Variants in AMZ2 observed in about 807,000 individuals in gnomAD.
The protein encoded by AMZ2 is archaelysin family metallopeptidase 2.
A neutral mutation model predicts 36.7 loss-of-function variants in AMZ2; 26 were observed. The observed-to-expected ratio is 0.71, with a 90% CI of 0.52 to 0.98. AMZ2 has a LOEUF of 0.98. Among genes scored for constraint, AMZ2 ranks in the 50% least tolerant of loss-of-function variants. The pLI, the probability that AMZ2 is intolerant of heterozygous loss-of-function variation, is 0.00. For missense variants in AMZ2, 394 were observed against 430.5 expected, an observed-to-expected ratio of 0.92 and a Z score of 0.75; for synonymous variants, 144 against 149.1, an observed-to-expected ratio of 0.97 and a Z score of 0.25.
chr17:68,229,175 G>A (rs542582338), intron 1 of AMZ2, among the ~76,000 whole-genome samples: 1 of 152,344 alleles, frequency 6.6e-6, no homozygotes, highest in African/African-American at 2.4e-5. Context: ...CTGGAAGGTA[G>A]GGGACGTCAC....
At chr17:68,220,711 C>G (rs1457532949) in intron 1 of AMZ2, among the ~76,000 whole-genome samples, 3 of 151,974 alleles carry the variant, frequency 2.0e-5, no homozygotes, top group Non-Finnish European at 4.4e-5. Context: ...ATAAAATGCT[C>G]CAACCCTTCA....
At chr17:68,206,995 G>C (rs1393281879) in intron 1 of AMZ2, 1 of 152,270 alleles carries the variant, frequency 6.6e-6, no homozygotes, top group Non-Finnish European at 1.5e-5. Flanking sequence ...AAAAATGAAA[G>C]TACAAAACCG....
chr17:68,224,985 C>T (rs113285997), intron 1 of AMZ2, among the ~76,000 whole-genome samples: 163 of 148,924 alleles, frequency 1.1e-3, no homozygotes, highest in African/African-American at 3.8e-3. Flanking sequence ...CGAGACCAGC[C>T]TGGCTACCAT....
upstream of AMZ2, among the ~76,000 whole-genome samples, chr17:68,245,411 TTC>T (rs1555735024): frequency 2.0e-5 from 3 of 151,490 alleles, no homozygotes; most frequent in Non-Finnish European, 4.4e-5. Flanking sequence ...CTTTTTTTTT[TTC>T]TTTTTTCTTT....
At position 68,250,411 on chromosome 17, in the gene AMZ2, G is replaced by A; in HGVS notation, c.224G>A (p.Ser75Asn). ...CCCCAAGACTTTGAACAGTTCTTCAGTGATCCTTACAGAAAGACACCCTCT... is the reference window on the plus strand; with the variant it reads ...CCCCAAGACTTTGAACAGTTCTTCAATGATCCTTACAGAAAGACACCCTCT... The part of the protein sequence containing the change: ...EAPQDFEQFF[S>N]DPYRKTPSPN... The change falls in exon 2 of 7, where the codon AGT becomes AAT. Residue 75 changes from serine (S) to asparagine (N), a missense_variant. Coordinates refer to ENST00000359904, the MANE Select transcript of AMZ2 (RefSeq NM_016627.5). 1 of 1,614,164 alleles carries A rather than the reference G, an allele frequency of 6.2e-7. No individual in the cohort carries two copies. The highest frequency in any genetic ancestry group is 8.5e-7 in the Non-Finnish European group (1 of 1,180,046).
At position 68,257,136 on chromosome 17, in the gene AMZ2, T is replaced by A. The variant is rs191339801; in HGVS notation, c.*167T>A. ...TTGAAATGAAACTCATTTTGAATAA[T>A]AAAAACTCTAGAAACTCTTTATCTT... On this transcript the variant is annotated 3_prime_UTR_variant, in exon 7 of 7. Transcript: ENST00000359904. The A allele has an allele frequency of 4.8e-6, 3 of 628,696 alleles. No homozygotes were observed. The highest frequency in any genetic ancestry group is 7.7e-6 in the Non-Finnish European group (3 of 391,008). The allele number at this position is 628,696 out of a possible 1,614,324, so 38.9% of individuals were successfully genotyped here.
intron 1 of AMZ2, among the ~76,000 whole-genome samples, chr17:68,226,894 T>C (rs28681299): frequency 0.32 from 44,405 of 138,240 alleles, 8,316 homozygotes; most frequent in African/African-American, 0.5. Flanking sequence ...TGGAGCAAGC[T>C]GCCACTTCCT....
chr17:68,212,270 G>C (rs1211691407), intron 1 of AMZ2, among the ~76,000 whole-genome samples: 4 of 152,210 alleles, frequency 2.6e-5, no homozygotes, highest in Admixed American at 6.5e-5. Flanking sequence ...TACTTGAGAA[G>C]CTGAGGCAAG....
intron 1 of AMZ2, among the ~76,000 whole-genome samples, chr17:68,231,941 C>A (rs12945969): frequency 0.099 from 15,073 of 151,890 alleles, 852 homozygotes; most frequent in Non-Finnish European, 0.12. Context: ...ACTCATTGTT[C>A]ATCTGAAATT....
upstream of AMZ2, chr17:68,247,650 G>A (rs1383978362): frequency 8.7e-5 from 86 of 985,368 alleles, no homozygotes; most frequent in Non-Finnish European, 1.0e-4. Flanking sequence ...GGCGGCCGCC[G>A]ACTCATTTGG....
At chr17:68,236,082 G>A (rs1220538779) in intron 1 of AMZ2, among the ~76,000 whole-genome samples, 3 of 152,022 alleles carry the variant, frequency 2.0e-5, no homozygotes, top group African/African-American at 4.8e-5. Context: ...CACCCGCCTC[G>A]GCCTCCCAAA....
chr17:68,252,851 C>T (rs1349487761), intron 4 of AMZ2, among the ~76,000 whole-genome samples: 2 of 152,116 alleles, frequency 1.3e-5, no homozygotes, highest in East Asian at 1.9e-4. Context: ...ACCATATGTT[C>T]GTTTATCTAG....
rs112865931 is a variant in AMZ2 at position 68,224,239 on chromosome 17, G to A, written c.-67+18001G>A. Among the ~76,000 whole-genome samples, 1,279 of 152,278 alleles carry A rather than the reference G, an allele frequency of 8.4e-3. 15 individuals are homozygous for A. Among genetic ancestry groups the A allele is most frequent in the African/African-American group, 0.028 (1,170 of 41,548 alleles). ...ATTACAGGCGTGAGCCACTGTGCCC[G>A]CTAATGGATTTTCTAGAGAATTGCT... On this transcript the variant is annotated intron_variant, in intron 1 of 7. Transcript: ENST00000674770.
Position 68,250,880 on chromosome 17 carries a change from G to A in AMZ2, c.370G>A (p.Val124Ile), listed in dbSNP as rs2074405101. 3 of 1,610,430 alleles carry A rather than the reference G, an allele frequency of 1.9e-6. No individual in the cohort carries two copies. In the Admixed American group the frequency reaches 5.1e-5, roughly 27 times the overall value. The change falls in exon 3 of 7, where the codon GTA becomes ATA. Residue 124 changes from valine (V) to isoleucine (I), a missense_variant. Transcript: ENST00000359904. ...YCKAYFYGLR[V>I]KLLEPVPVSV... is the part of the protein sequence containing the mutation. The stretch of plus-strand genomic sequence containing the variant: ...TAAAGCATATTTCTATGGCTTGAGA[G>A]TAAAACTCCTAGAACCAGTTCCTGT...
At chr17:68,247,900 G>A (rs2074105341), upstream of AMZ2, 1 of 985,604 alleles carries the variant, frequency 1.0e-6, no homozygotes, top group Non-Finnish European at 1.2e-6. Flanking sequence ...CTGAACTCCA[G>A]CTCTGCGCCT....
chr17:68,249,839 G>A (rs372164363), intron 1 of AMZ2: 26 of 247,226 alleles, frequency 1.1e-4, no homozygotes, highest in Non-Finnish European at 1.9e-4. Flanking sequence ...TAGAGACAGG[G>A]TCTCACCATG....
At chr17:68,246,378 AATAAAAAAAG>A (rs1333238591), upstream of AMZ2, among the ~76,000 whole-genome samples, 8 of 152,046 alleles carry the variant, frequency 5.3e-5, no homozygotes, top group Non-Finnish European at 1.2e-4. Flanking sequence ...AAGTAATAAT[AATAAAAAAAG>A]ATGTGCTGTA....
upstream of AMZ2, chr17:68,247,979 TGCGCGACGCAGCG>T (rs1205796409): frequency 1.0e-4 from 102 of 984,580 alleles, no homozygotes; most frequent in Admixed American, 6.2e-5. Context: ...CCACAGGGCG[TGCGCGACGCAGCG>T]GCGCGGCGCG....
chr17:68,219,421 T>C (rs559963158), intron 1 of AMZ2, among the ~76,000 whole-genome samples: 93 of 152,378 alleles, frequency 6.1e-4, no homozygotes, highest in East Asian at 7.7e-4. Flanking sequence ...CAAGGGAGGA[T>C]ATCCCAATTG....
Sources: allele counts gnomAD v4.1 joint callset (sites outside exome capture counted in the v4.1 genomes callset), GRCh38; gene constraint gnomAD v4.1.1; transcripts MANE v1.5; gene names NCBI Gene and HGNC (gene_info 2026-07-23, HGNC 2026-07-21).